ATXN1: variants seen among roughly 807,000 people sequenced by gnomAD.
ATXN1 encodes ataxin-1.
ATXN1 carries 8 observed loss-of-function variants against 56.4 expected under a neutral mutation model. That is an observed-to-expected ratio of 0.14 (90% confidence interval 0.08 to 0.26). The LOEUF is 0.26. ATXN1 is among the 10% of genes least tolerant of loss of function. The pLI, the probability that ATXN1 is intolerant of heterozygous loss-of-function variation, is 1.00. For missense variants in ATXN1, 987 were observed against 1,106.5 expected, an observed-to-expected ratio of 0.89 and a Z score of 1.53; for synonymous variants, 514 against 494.6, an observed-to-expected ratio of 1.04 and a Z score of -0.52.
At chr6:16,748,950 C>T (rs955846977) in intron 2 of ATXN1, among the ~76,000 whole-genome samples, 6 of 152,184 alleles carry the variant, frequency 3.9e-5, no homozygotes, top group African/African-American at 1.4e-4. Flanking sequence ...TTCTCTTTCA[C>T]TTTACATCAG....
chr6:16,581,241 G>A (rs1762525290), intron 4 of ATXN1, among the ~76,000 whole-genome samples: 1 of 151,548 alleles, frequency 6.6e-6, no homozygotes, highest in Non-Finnish European at 1.5e-5. Context: ...GTGTGTGTGT[G>A]TGTGTGTGTG....
At chr6:16,689,057 G>C (rs1321233707) in intron 2 of ATXN1, among the ~76,000 whole-genome samples, 1 of 151,486 alleles carries the variant, frequency 6.6e-6, no homozygotes, top group Admixed American at 6.6e-5. Context: ...CTGTGTGTGT[G>C]TATGTGTGTG....
At chr6:16,454,556 A>G (rs1448498390) in intron 6 of ATXN1, among the ~76,000 whole-genome samples, 1 of 152,168 alleles carries the variant, frequency 6.6e-6, no homozygotes, top group Non-Finnish European at 1.5e-5. Context: ...GTAGCCAATG[A>G]TTCAGGAATA....
At chr6:16,716,135 A>G (rs534406234) in intron 2 of ATXN1, among the ~76,000 whole-genome samples, 4 of 152,208 alleles carry the variant, frequency 2.6e-5, no homozygotes, top group African/African-American at 9.7e-5. Context: ...TACAGATAAA[A>G]TGACATGCAT....
rs1052267943 is a variant in ATXN1 at position 16,760,070 on chromosome 6, C to T, written c.-730+1228G>A. 1.3e-5 allele frequency among the ~76,000 whole-genome samples: 2 copies of T among 152,126 alleles called. No homozygotes were observed. Among genetic ancestry groups the T allele is most frequent in the African/African-American group, 4.8e-5 (2 of 41,436 alleles). On this transcript the variant is annotated intron_variant, in intron 1 of 7. Transcript: ENST00000436367. The surrounding 1 kb of genome is among the most constrained non-coding windows in gnomAD (Gnocchi z 5.3). ...ACACCGCCTCACCTCTCGCTCCGCC[C>T]GTCCGGCCCCCTTCCCTGCCCCCTG... is the stretch of plus-strand genomic sequence containing the variant.
At position 16,448,552 on chromosome 6, in the gene ATXN1, C is replaced by A. The variant is rs578170973; in HGVS notation, c.-161+37420G>T. Among the ~76,000 whole-genome samples, 10 of 152,236 alleles carry A rather than the reference C, an allele frequency of 6.6e-5. No homozygotes were observed. The East Asian group carries it at 1.9e-3, about 29-fold the overall frequency. Reference sequence around the variant, plus strand: ...CTATTTAACTGTATTTTTGTATCACCCATTAACTGACTTCTCTTCATCCTT... The same window carrying A: ...CTATTTAACTGTATTTTTGTATCACACATTAACTGACTTCTCTTCATCCTT... On this transcript the variant is annotated intron_variant, in intron 6 of 7. Transcript: ENST00000436367.
Position 16,428,065 on chromosome 6 carries a change from G to A in ATXN1, c.-161+57907C>T, listed in dbSNP as rs555191897. Among the ~76,000 whole-genome samples, 11 of 150,776 alleles carry A rather than the reference G, an allele frequency of 7.3e-5. No individual in the cohort carries two copies. In the South Asian group the frequency reaches 1.9e-3, roughly 26 times the overall value. On this transcript the variant is annotated intron_variant, in intron 6 of 7. Coordinates refer to ENST00000436367, the MANE Select transcript of ATXN1 (RefSeq NM_001128164.2). ...GGGTCTTTTCTATCTGTAAAATATG[G>A]TTGCAAGGCTTTCATGGACAAGACA... is the stretch of plus-strand genomic sequence containing the variant.
intron 6 of ATXN1, among the ~76,000 whole-genome samples, chr6:16,336,974 C>A (rs1157454520): frequency 6.6e-6 from 1 of 152,160 alleles, no homozygotes; most frequent in African/African-American, 2.4e-5. Flanking sequence ...TAGTCTCATT[C>A]GGGTGGTCGC....
chr6:16,393,704 C>T (rs1758400090), intron 6 of ATXN1, among the ~76,000 whole-genome samples: 1 of 152,172 alleles, frequency 6.6e-6, no homozygotes, highest in South Asian at 2.1e-4. Flanking sequence ...ACTTAGCTTC[C>T]ATATGTGACT....
rs756795332 is a variant in ATXN1 at position 16,305,898 on chromosome 6, GAA to G, written c.*429_*430del. 6.3e-6 allele frequency: 1 copy of G among 159,668 alleles called. No individual in the cohort carries two copies. Among genetic ancestry groups the G allele is most frequent in the Non-Finnish European group, 1.4e-5 (1 of 72,544 alleles). 9.9% of individuals were successfully genotyped at this position (159,668 alleles called of 1,614,324 possible). A position where few individuals can be genotyped will look rare whatever the true frequency, so the allele number is the denominator to read the frequency against. On this transcript the variant is annotated 3_prime_UTR_variant, in exon 8 of 8. Coordinates refer to ENST00000436367, the MANE Select transcript of ATXN1 (RefSeq NM_001128164.2). Reference sequence around the variant, plus strand: ...AGAGAGTGAGGCAGAGGGAGGCAGAGAAAAAGAGACCCTCACTCGCCGCCACA... The same window carrying G: ...AGAGAGTGAGGCAGAGGGAGGCAGAGAAAGAGACCCTCACTCGCCGCCACA...
chr6:16,488,098 C>A (rs979589041), intron 5 of ATXN1, among the ~76,000 whole-genome samples: 2 of 152,148 alleles, frequency 1.3e-5, no homozygotes, highest in African/African-American at 2.4e-5. Flanking sequence ...CAACACACAC[C>A]TTCTCTGTGA....
chr6:16,450,348 A>C (rs1375888041), intron 6 of ATXN1, among the ~76,000 whole-genome samples: 1 of 152,234 alleles, frequency 6.6e-6, no homozygotes, highest in African/African-American at 2.4e-5. Flanking sequence ...AGCCTGGAAC[A>C]ATCACTGATG....
At chr6:16,669,972 C>T (rs1758506896) in intron 2 of ATXN1, among the ~76,000 whole-genome samples, 1 of 152,084 alleles carries the variant, frequency 6.6e-6, no homozygotes, top group Non-Finnish European at 1.5e-5. Context: ...AAGCTGACCA[C>T]CCCATGACCC....
intron 6 of ATXN1, among the ~76,000 whole-genome samples, chr6:16,363,023 C>T (rs1761845085): frequency 6.6e-6 from 1 of 152,202 alleles, no homozygotes; most frequent in South Asian, 2.1e-4. Flanking sequence ...TATATGTATG[C>T]TGTTCCTTTA....
chr6:16,314,985 C>G (rs553646799), intron 7 of ATXN1, among the ~76,000 whole-genome samples: 1 of 152,140 alleles, frequency 6.6e-6, no homozygotes, highest in Non-Finnish European at 1.5e-5. Context: ...CAAGTATACA[C>G]CGAGCACCTG....
intron 4 of ATXN1, among the ~76,000 whole-genome samples, chr6:16,533,501 A>C (rs1490282657): frequency 6.6e-6 from 1 of 152,224 alleles, no homozygotes; most frequent in Non-Finnish European, 1.5e-5. Context: ...GAATGCTTGC[A>C]ATATCCTTTT....
At chr6:16,637,374 T>A (rs2092298) in intron 3 of ATXN1, among the ~76,000 whole-genome samples, 86,931 of 147,318 alleles carry the variant, frequency 0.59, 25,843 homozygotes, top group African/African-American at 0.63. Context: ...GAGGGAAAGC[T>A]TTAGGAGATA....
At chr6:16,545,393 C>CTT (rs35242778) in intron 4 of ATXN1, among the ~76,000 whole-genome samples, 13,167 of 144,218 alleles carry the variant, frequency 0.091, 650 homozygotes, top group Admixed American at 0.14. Flanking sequence ...GATTTCTTGT[C>CTT]TTTTTTTTTT....
At chr6:16,728,013 G>A (rs2113480164) in intron 2 of ATXN1, among the ~76,000 whole-genome samples, 1 of 152,314 alleles carries the variant, frequency 6.6e-6, no homozygotes, top group African/African-American at 2.4e-5. Flanking sequence ...AGGTCACTTG[G>A]TCTAGACCCT....
Sources: gnomAD v4.1 joint callset for allele counts (sites outside exome capture counted in the v4.1 genomes callset) on GRCh38, gnomAD v4.1.1 for gene constraint, Gnocchi (gnomAD v3.1) non-coding constraint, MANE v1.5 for transcripts, NCBI Gene and HGNC (gene_info 2026-07-23, HGNC 2026-07-21) for gene names.